PLXNA4: variants seen among roughly 807,000 people sequenced by gnomAD.
The protein encoded by PLXNA4 is plexin-A4.
PLXNA4 carries 44 observed loss-of-function variants against 191.8 expected under a neutral mutation model. That is an observed-to-expected ratio of 0.23 (90% confidence interval 0.18 to 0.29). The LOEUF is 0.29. Ranked by LOEUF, PLXNA4 falls within the 10% of genes least tolerant of loss-of-function variation. The pLI is 1.00. For missense variants in PLXNA4, 1,800 were observed against 2,488.8 expected, an observed-to-expected ratio of 0.72 and a Z score of 5.89; for synonymous variants, 1,082 against 1,009.5, an observed-to-expected ratio of 1.07 and a Z score of -1.36.
chr7:132,524,714 C>T (rs1450609725), intron 1 of PLXNA4, among the ~76,000 whole-genome samples: 1 of 151,966 alleles, frequency 6.6e-6, no homozygotes, highest in Non-Finnish European at 1.5e-5. Flanking sequence ...TAGCTCGGTG[C>T]CCATCACCAC....
chr7:132,177,085 G>A (rs1202057066), intron 20 of PLXNA4, among the ~76,000 whole-genome samples: 1 of 152,006 alleles, frequency 6.6e-6, no homozygotes, highest in Non-Finnish European at 1.5e-5. Flanking sequence ...GTGAGCACAT[G>A]AGTGTATGTC....
intron 3 of PLXNA4, among the ~76,000 whole-genome samples, chr7:132,316,629 T>A (rs1801955486): frequency 1.3e-5 from 2 of 152,178 alleles, no homozygotes; most frequent in Admixed American, 6.5e-5. Context: ...GTTTGGGAAG[T>A]GTCCTTAGGC....
At chr7:132,150,843 A>G (rs1281992773) in intron 25 of PLXNA4, among the ~76,000 whole-genome samples, 1 of 152,244 alleles carries the variant, frequency 6.6e-6, no homozygotes, top group Non-Finnish European at 1.5e-5. Context: ...GTCTTCCACC[A>G]TGATGCACAA....
chr7:132,453,157 T>C (rs890640137), intron 3 of PLXNA4, among the ~76,000 whole-genome samples: 1 of 152,054 alleles, frequency 6.6e-6, no homozygotes, highest in African/African-American at 2.4e-5. Context: ...CATGAACAAA[T>C]GCAAATCCTA....
intron 9 of PLXNA4, among the ~76,000 whole-genome samples, chr7:132,212,127 ATCTGTGGCACTG>A (rs1451134041): frequency 6.6e-6 from 1 of 152,100 alleles, no homozygotes; most frequent in Non-Finnish European, 1.5e-5. Context: ...AGATTCCTCC[ATCTGTGGCACTG>A]TCTGGGGCAT....
chr7:132,564,960 G>A (rs560437046), intron 1 of PLXNA4, among the ~76,000 whole-genome samples: 3 of 151,506 alleles, frequency 2.0e-5, no homozygotes, highest in Non-Finnish European at 4.4e-5. Context: ...TCTCCTTTCC[G>A]ACCTGCCATC....
At chr7:132,445,418 T>C (rs1795868585) in intron 3 of PLXNA4, among the ~76,000 whole-genome samples, 1 of 151,756 alleles carries the variant, frequency 6.6e-6, no homozygotes, top group Middle Eastern at 3.4e-3. Flanking sequence ...TCCACTCATC[T>C]GACCATCATC....
intron 3 of PLXNA4, among the ~76,000 whole-genome samples, chr7:132,425,148 G>C (rs1284873148): frequency 1.3e-5 from 2 of 152,194 alleles, no homozygotes. Context: ...GGAGGCTCAG[G>C]CCATGTCAAT....
intron 3 of PLXNA4, among the ~76,000 whole-genome samples, chr7:132,365,667 A>C (rs1195335509): frequency 6.6e-6 from 1 of 152,224 alleles, no homozygotes; most frequent in African/African-American, 2.4e-5. Flanking sequence ...CCCAGGGCAC[A>C]CAAGAGGAGA....
At chr7:132,572,002 G>A (rs1259910960) in intron 1 of PLXNA4, among the ~76,000 whole-genome samples, 1 of 152,194 alleles carries the variant, frequency 6.6e-6, no homozygotes, top group African/African-American at 2.4e-5. Context: ...TCGAGGCTCA[G>A]TGAATAAATA....
chr7:132,484,988 C>A, intron 3 of PLXNA4: 1 of 1,614,156 alleles, frequency 6.2e-7, no homozygotes, highest in Non-Finnish European at 8.5e-7. Flanking sequence ...CTGGGTGATT[C>A]CCCCTTGTGG....
chr7:132,269,932 C>T (rs1424486182), intron 4 of PLXNA4, among the ~76,000 whole-genome samples: 2 of 151,946 alleles, frequency 1.3e-5, no homozygotes, highest in East Asian at 3.9e-4. Context: ...TGCTGAGGCC[C>T]CTACTTTTAA....
At chr7:132,594,354 G>A (rs915270219) in intron 2 of PLXNA4, among the ~76,000 whole-genome samples, 5 of 152,154 alleles carry the variant, frequency 3.3e-5, no homozygotes, top group African/African-American at 1.2e-4. Flanking sequence ...ACCTCCCCTG[G>A]TGCCTTCAGT....
At chr7:132,369,076 G>C (rs949763124) in intron 3 of PLXNA4, among the ~76,000 whole-genome samples, 1 of 152,128 alleles carries the variant, frequency 6.6e-6, no homozygotes, top group African/African-American at 2.4e-5. Context: ...GGCCTGATGT[G>C]TCTGGCTGCT....
intron 1 of PLXNA4, among the ~76,000 whole-genome samples, chr7:132,560,226 C>T (rs527451130): frequency 1.3e-5 from 2 of 152,256 alleles, no homozygotes; most frequent in Non-Finnish European, 2.9e-5. Context: ...GTTGGAGGCA[C>T]GCACCGAGGA....
chr7:132,167,559 G>A (rs545803376), intron 22 of PLXNA4, among the ~76,000 whole-genome samples: 83 of 152,214 alleles, frequency 5.5e-4, no homozygotes, highest in African/African-American at 1.8e-3. Flanking sequence ...TTTAGCGACA[G>A]GGTCTTGCTC....
At chr7:132,511,767 G>A (rs1479529654) in intron 1 of PLXNA4, among the ~76,000 whole-genome samples, 1 of 152,234 alleles carries the variant, frequency 6.6e-6, no homozygotes, top group Non-Finnish European at 1.5e-5. Flanking sequence ...GAAGAGTCAA[G>A]ATGGTTCACC....
At chr7:132,230,662 T>C (rs553855648) in intron 5 of PLXNA4, among the ~76,000 whole-genome samples, 2 of 152,326 alleles carry the variant, frequency 1.3e-5, no homozygotes, top group East Asian at 1.9e-4. Flanking sequence ...ATTAAGCTAA[T>C]GTTATGGACT....
intron 3 of PLXNA4, among the ~76,000 whole-genome samples, chr7:132,421,921 A>G (rs562199875): frequency 1.4e-4 from 22 of 152,208 alleles, no homozygotes; most frequent in Admixed American, 2.0e-4. Flanking sequence ...TGGGCAAGCC[A>G]ATGTCTTTCT....
Sources: gnomAD v4.1 joint callset for allele counts (sites outside exome capture counted in the v4.1 genomes callset) on GRCh38, gnomAD v4.1.1 for gene constraint, MANE v1.5 for transcripts, NCBI Gene and HGNC (gene_info 2026-07-23, HGNC 2026-07-21) for gene names.